SGCZ: variants seen among roughly 807,000 people sequenced by gnomAD.
SGCZ encodes zeta-sarcoglycan.
In SGCZ, 40 loss-of-function variants were observed where a neutral mutation model predicts 41.3. That is an observed-to-expected ratio of 0.97 (90% CI 0.75 to 1.26). The LOEUF is 1.26. Ranked by LOEUF, SGCZ falls within the 50% of genes most tolerant of loss-of-function variation. The pLI is 0.00. For missense variants in SGCZ, 552 were observed against 369.8 expected (o/e 1.49, Z -4.04); for synonymous variants, 206 against 137.5 (o/e 1.50, Z -3.49).
intron 2 of SGCZ, among the ~76,000 whole-genome samples, chr8:14,440,419 T>C (rs1019987053): frequency 6.6e-6 from 1 of 152,100 alleles, no homozygotes; most frequent in Non-Finnish European, 1.5e-5. Flanking sequence ...TTACATTTTG[T>C]CACACTTTTT....
intron 3 of SGCZ, among the ~76,000 whole-genome samples, chr8:14,271,346 GT>G (rs1800052333): frequency 6.6e-6 from 1 of 152,008 alleles, no homozygotes; most frequent in African/African-American, 2.4e-5. Context: ...GAATCATTTT[GT>G]TTTTGATTGA....
chr8:14,313,443 A>G (rs1801611650), intron 3 of SGCZ, among the ~76,000 whole-genome samples: 3 of 152,076 alleles, frequency 2.0e-5, no homozygotes, highest in African/African-American at 7.2e-5. Flanking sequence ...CCTCCTCCCA[A>G]ATAGCTAGGA....
At position 14,427,030 on chromosome 8, in the gene SGCZ, AAATGAATGAATG is replaced by A. The variant is rs3068589; in HGVS notation, c.235-102838_235-102827del. Among the ~76,000 whole-genome samples the A allele has an allele frequency of 3.1e-3, 453 of 145,402 alleles. 3 individuals carry two copies. The highest frequency in any genetic ancestry group is 0.011 in the Middle Eastern group (3 of 284). ...AGCCTGTTTGCAGCCCAGTAACATT[AAATGAATGAATG>A]AATGAATGAATGAATGAATGAATGA... On this transcript the variant is annotated intron_variant, in intron 2 of 7. Coordinates refer to ENST00000382080, the MANE Select transcript of SGCZ (RefSeq NM_139167.4).
chr8:14,793,950 G>C lies in SGCZ; in HGVS notation c.40-239024C>G, dbSNP rs147246047. 5.0e-3 allele frequency among the ~76,000 whole-genome samples: 766 copies of C among 152,244 alleles called. 7 individuals are homozygous for C. Among genetic ancestry groups the C allele is most frequent in the African/African-American group, 0.018 (742 of 41,548 alleles). ...GTCTGGTTCTCCCACTTGGCTTCTA[G>C]TACTATACCAGCCAGATTATATCCT... On this transcript the variant is annotated intron_variant, in intron 1 of 7. Coordinates refer to ENST00000382080, the MANE Select transcript of SGCZ (RefSeq NM_139167.4).
chr8:15,079,863 T>C (rs543785141), intron 1 of SGCZ, among the ~76,000 whole-genome samples: 2 of 152,266 alleles, frequency 1.3e-5, no homozygotes, highest in South Asian at 4.1e-4. Context: ...TAGGTAACTT[T>C]TCAATCCTTT....
At chr8:14,909,699 ACT>A (rs1799228082) in intron 1 of SGCZ, among the ~76,000 whole-genome samples, 1 of 152,054 alleles carries the variant, frequency 6.6e-6, no homozygotes, top group Non-Finnish European at 1.5e-5. Context: ...CTAACCAATA[ACT>A]CAGCCTGGTT....
chr8:14,531,931 T>G (rs564500872), intron 2 of SGCZ, among the ~76,000 whole-genome samples: 1 of 152,184 alleles, frequency 6.6e-6, no homozygotes, highest in African/African-American at 2.4e-5. Context: ...AAGCCTTAAT[T>G]TAATAGGATA....
chr8:14,224,817 A>T (rs1806317683), intron 4 of SGCZ, among the ~76,000 whole-genome samples: 1 of 152,172 alleles, frequency 6.6e-6, no homozygotes, highest in Admixed American at 6.5e-5. Flanking sequence ...TCTTGGAAAC[A>T]CTTATCAAAT....
intron 1 of SGCZ, among the ~76,000 whole-genome samples, chr8:14,730,377 A>G (rs1362496608): frequency 6.6e-6 from 1 of 152,192 alleles, no homozygotes; most frequent in Non-Finnish European, 1.5e-5. Flanking sequence ...GAGACGGGAT[A>G]TATAAGGATA....
chr8:14,736,034 T>C (rs1799019148), intron 1 of SGCZ, among the ~76,000 whole-genome samples: 1 of 152,106 alleles, frequency 6.6e-6, no homozygotes, highest in Admixed American at 6.6e-5. Flanking sequence ...GAAAATCACA[T>C]CACAGGATGT....
intron 1 of SGCZ, among the ~76,000 whole-genome samples, chr8:15,039,164 G>C (rs1207683035): frequency 6.6e-6 from 1 of 152,060 alleles, no homozygotes; most frequent in Non-Finnish European, 1.5e-5. Flanking sequence ...AAGTTAAAGA[G>C]TTATCTGAAC....
At chr8:14,362,932 AAT>A (rs1196201766) in intron 2 of SGCZ, among the ~76,000 whole-genome samples, 7 of 152,236 alleles carry the variant, frequency 4.6e-5, no homozygotes, top group Non-Finnish European at 4.4e-5. Flanking sequence ...GGAGATAACT[AAT>A]ATATAGTACA....
intron 1 of SGCZ, among the ~76,000 whole-genome samples, chr8:14,728,755 T>G (rs1810139924): frequency 6.6e-6 from 1 of 152,162 alleles, no homozygotes; most frequent in South Asian, 2.1e-4. Flanking sequence ...TTCTCAAAAG[T>G]GACAACAGGC....
chr8:14,788,126 A>C (rs917988023), intron 1 of SGCZ, among the ~76,000 whole-genome samples: 2 of 152,164 alleles, frequency 1.3e-5, no homozygotes, highest in African/African-American at 4.8e-5. Context: ...ATCATTACCT[A>C]AATAACGGAT....
intron 2 of SGCZ, among the ~76,000 whole-genome samples, chr8:14,477,032 T>C (rs1055930591): frequency 6.6e-6 from 1 of 152,222 alleles, no homozygotes; most frequent in African/African-American, 2.4e-5. Flanking sequence ...TGCCTACTGG[T>C]TGCAAATATT....
chr8:14,212,420 A>T (rs1317780016), intron 4 of SGCZ, among the ~76,000 whole-genome samples: 10 of 150,346 alleles, frequency 6.7e-5, no homozygotes, highest in African/African-American at 2.5e-4. Flanking sequence ...TTAATAGATG[A>T]TCCCCCTGCC....
At chr8:14,382,767 G>A (rs953639012) in intron 2 of SGCZ, among the ~76,000 whole-genome samples, 2 of 152,154 alleles carry the variant, frequency 1.3e-5, no homozygotes, top group Non-Finnish European at 2.9e-5. Flanking sequence ...GTTTTGTAAT[G>A]TTTGCTTATG....
At chr8:15,018,855 G>A (rs1300273374) in intron 1 of SGCZ, among the ~76,000 whole-genome samples, 1 of 152,196 alleles carries the variant, frequency 6.6e-6, no homozygotes, top group African/African-American at 2.4e-5. Flanking sequence ...TGGCTGAGGA[G>A]ATCTCAGGAA....
chr8:14,090,618 G>A lies in SGCZ; in HGVS notation c.764C>T (p.Thr255Ile). 6.2e-7 allele frequency: 1 copy of A among 1,608,908 alleles called. No individual in the cohort carries two copies. Among genetic ancestry groups the A allele is most frequent in the Non-Finnish European group, 8.5e-7 (1 of 1,178,470 alleles). ...AGTTGGTAGATTTCCCAGCTTGATT[G>A]TCTCTGCATTTAAAAATATCTATGG... ...TEGEIFLNAETIKLGNLPTGS... is the reference protein window; with the variant it reads ...TEGEIFLNAEIIKLGNLPTGS... The change falls in exon 8 of 8, where the codon ACA becomes ATA. Residue 255 changes from threonine to isoleucine, a missense_variant. Thr to Ile is a moderately conservative substitution (Grantham distance 89). Coordinates refer to ENST00000382080, the MANE Select transcript of SGCZ (RefSeq NM_139167.4).
Sources: gnomAD v4.1 joint callset for allele counts (sites outside exome capture counted in the v4.1 genomes callset) on GRCh38, gnomAD v4.1.1 for gene constraint, MANE v1.5 for transcripts, NCBI Gene and HGNC (gene_info 2026-07-23, HGNC 2026-07-21) for gene names.